Variants in UGT2B7 observed in about 807,000 individuals in gnomAD.
UGT2B7 encodes the protein UDP-glucuronosyltransferase 2B7.
A neutral mutation model predicts 51.9 loss-of-function variants in UGT2B7; 51 were observed. The observed-to-expected ratio is 0.98, with a 90% confidence interval of 0.78 to 1.24. The LOEUF (loss-of-function observed/expected upper bound fraction) is 1.24, where lower values mean the gene tolerates loss of function less well. Ranked by LOEUF, UGT2B7 falls within the 50% of genes most tolerant of loss-of-function variation. The pLI is 0.00. For missense variants in UGT2B7, 727 were observed against 628.4 expected (o/e 1.16, Z -1.68); for synonymous variants, 225 against 211.6 (o/e 1.06, Z -0.55).
intron 1 of UGT2B7, among the ~76,000 whole-genome samples, chr4:69,077,152 G>C (rs1718725089): frequency 6.6e-6 from 1 of 151,962 alleles, no homozygotes; most frequent in South Asian, 2.1e-4. Flanking sequence ...ATCTGTTTTG[G>C]TACCAGTACC....
At chr4:69,101,891 C>G (rs1719429166) in intron 2 of UGT2B7, among the ~76,000 whole-genome samples, 1 of 152,168 alleles carries the variant, frequency 6.6e-6, no homozygotes, top group Non-Finnish European at 1.5e-5. Flanking sequence ...GACAAGATCT[C>G]CCCTGCAGAA....
chr4:69,097,359 CA>C (rs1719275941), intron 1 of UGT2B7, 118 bp downstream of exon 1: 1 of 1,187,636 alleles, frequency 8.4e-7, no homozygotes, highest in Non-Finnish European at 1.2e-6. Context: ...ATTTATAAAA[CA>C]AAAATACAAG....
chr4:69,064,044 GA>G (rs1245506150), intron 1 of UGT2B7, among the ~76,000 whole-genome samples: 1 of 88,662 alleles, frequency 1.1e-5, no homozygotes, highest in Non-Finnish European at 2.1e-5. Flanking sequence ...AAGAAAGAAA[GA>G]AAGAAAGAAA....
upstream of UGT2B7, among the ~76,000 whole-genome samples, chr4:69,092,827 A>G (rs1719113047): frequency 6.6e-6 from 1 of 152,030 alleles, no homozygotes; most frequent in South Asian, 2.1e-4. Context: ...AGTGATACCA[A>G]TGAAAGAATA....
intron 1 of UGT2B7, among the ~76,000 whole-genome samples, chr4:69,085,122 C>T (rs1011662608): frequency 6.6e-6 from 1 of 152,174 alleles, no homozygotes; most frequent in Non-Finnish European, 1.5e-5. Flanking sequence ...CACATCCTCT[C>T]CAGCATCAGT....
intron 2 of UGT2B7, among the ~76,000 whole-genome samples, chr4:69,101,568 C>T (rs923898586): frequency 6.6e-6 from 1 of 152,038 alleles, no homozygotes; most frequent in Non-Finnish European, 1.5e-5. Flanking sequence ...ACTGCAATCA[C>T]ACGCAATACC....
intron 1 of UGT2B7, among the ~76,000 whole-genome samples, chr4:69,070,675 TA>T (rs371943382): frequency 4.6e-5 from 7 of 152,146 alleles, no homozygotes; most frequent in African/African-American, 1.4e-4. Context: ...GAAAATTACA[TA>T]AAAATTAAGT....
At chr4:69,092,341 T>C (rs988278030), upstream of UGT2B7, among the ~76,000 whole-genome samples, 9 of 152,202 alleles carry the variant, frequency 5.9e-5, no homozygotes, top group Non-Finnish European at 1.3e-4. Context: ...TAAACCACTA[T>C]GTGAGTGTTG....
At chr4:69,091,629 C>G (rs1029173183), upstream of UGT2B7, among the ~76,000 whole-genome samples, 1 of 152,112 alleles carries the variant, frequency 6.6e-6, no homozygotes, top group Non-Finnish European at 1.5e-5. Flanking sequence ...GTGAGCAGTG[C>G]GTCTGGGAGC....
intron 1 of UGT2B7, among the ~76,000 whole-genome samples, chr4:69,068,652 C>T (rs143997783): frequency 3.8e-4 from 57 of 151,764 alleles, no homozygotes; most frequent in African/African-American, 1.4e-3. Context: ...TGTTATGTAA[C>T]CCAATTGTAT....
chr4:69,086,757 A>T (rs73823851), intron 1 of UGT2B7, among the ~76,000 whole-genome samples: 5,065 of 151,974 alleles, frequency 0.033, 119 homozygotes, highest in Middle Eastern at 0.11. Flanking sequence ...GACTTAAAAT[A>T]TATTTTAACT....
intron 1 of UGT2B7, among the ~76,000 whole-genome samples, chr4:69,055,825 AAAG>A (rs1417868226): frequency 6.6e-6 from 1 of 152,308 alleles, no homozygotes; most frequent in Non-Finnish European, 1.5e-5. Flanking sequence ...ATATCTAAAG[AAAG>A]AAAAGGATTC....
At chr4:69,085,918 GTTAAC>G (rs1045053709) in intron 1 of UGT2B7, among the ~76,000 whole-genome samples, 6 of 151,438 alleles carry the variant, frequency 4.0e-5, no homozygotes, top group Admixed American at 6.6e-5. Flanking sequence ...TCTTTTTGTA[GTTAAC>G]TTAGCTGAAG....
chr4:69,073,260 C>T (rs1357765799), intron 1 of UGT2B7, among the ~76,000 whole-genome samples: 1 of 152,130 alleles, frequency 6.6e-6, no homozygotes, highest in East Asian at 1.9e-4. Context: ...TGGATATTAA[C>T]TTTCACCAAT....
At chr4:69,085,062 T>C (rs1200114969) in intron 1 of UGT2B7, among the ~76,000 whole-genome samples, 1 of 152,154 alleles carries the variant, frequency 6.6e-6, no homozygotes, top group African/African-American at 2.4e-5. Context: ...TCCACAACAG[T>C]TGAACTAATT....
intron 3 of UGT2B7, among the ~76,000 whole-genome samples, chr4:69,105,395 C>T (rs1719563309): frequency 6.6e-6 from 1 of 152,186 alleles, no homozygotes; most frequent in Non-Finnish European, 1.5e-5. Flanking sequence ...ACCTGAGTTA[C>T]TTTAACACTG....
At chr4:69,055,286 T>C (rs535900610) in intron 1 of UGT2B7, among the ~76,000 whole-genome samples, 1 of 150,908 alleles carries the variant, frequency 6.6e-6, no homozygotes, top group South Asian at 2.1e-4. Flanking sequence ...GATGTGTTAA[T>C]ACTGGTCTTG....
chr4:69,094,922 A>C (rs1719180318), upstream of UGT2B7, among the ~76,000 whole-genome samples: 1 of 152,232 alleles, frequency 6.6e-6, no homozygotes, highest in Admixed American at 6.5e-5. Flanking sequence ...CCAGGAGTAG[A>C]TTCCATCTCA....
chr4:69,073,554 G>A (rs1370953261), intron 1 of UGT2B7, among the ~76,000 whole-genome samples: 1 of 152,098 alleles, frequency 6.6e-6, no homozygotes, highest in African/African-American at 2.4e-5. Flanking sequence ...AAAAATTAAT[G>A]AATAATCCTC....
Sources: gnomAD v4.1 joint callset for allele counts (sites outside exome capture counted in the v4.1 genomes callset) on GRCh38, gnomAD v4.1.1 for gene constraint, MANE v1.5 for transcripts, NCBI Gene and HGNC (gene_info 2026-07-23, HGNC 2026-07-21) for gene names.